Variants in CDIN1 observed in about 807,000 individuals in gnomAD.
The protein encoded by CDIN1 is CDAN1 interacting nuclease 1.
CDIN1 carries 33 observed loss-of-function variants against 45.3 expected under a neutral mutation model. The ratio of observed to expected loss-of-function variants is 0.73; its 90% CI spans 0.55 to 0.97. CDIN1 has a LOEUF of 0.97. CDIN1 is among the 50% of genes least tolerant of loss of function. The pLI, the probability that CDIN1 is intolerant of heterozygous loss-of-function variation, is 0.00. For synonymous variants in CDIN1, 118 were observed against 124.4 expected, an observed-to-expected ratio of 0.95 and a Z score of 0.34; for missense variants, 303 against 339.4, an observed-to-expected ratio of 0.89 and a Z score of 0.84.
intron 5 of CDIN1, among the ~76,000 whole-genome samples, chr15:36,676,555 T>C (rs921414281): frequency 1.3e-5 from 2 of 152,184 alleles, no homozygotes; most frequent in African/African-American, 4.8e-5. Context: ...GTCATACCAG[T>C]AGCCACTGTG....
chr15:36,625,724 G>A (rs554379949), intron 1 of CDIN1, among the ~76,000 whole-genome samples: 1 of 152,282 alleles, frequency 6.6e-6, no homozygotes, highest in African/African-American at 2.4e-5. Context: ...TGAAGAATTA[G>A]TTAGCTAGCT....
At chr15:36,666,594 G>A (rs1424886237) in intron 5 of CDIN1, among the ~76,000 whole-genome samples, 2 of 152,044 alleles carry the variant, frequency 1.3e-5, no homozygotes, top group Admixed American at 1.3e-4. Context: ...ATACCAATTT[G>A]GACCTCTGTA....
At chr15:36,647,584 T>C (rs1199663085) in intron 3 of CDIN1, 2 of 152,206 alleles carry the variant, frequency 1.3e-5, no homozygotes, top group Non-Finnish European at 2.9e-5. Flanking sequence ...GGCCATGTTG[T>C]TACCTTTCAG....
chr15:36,640,389 T>C (rs951814457), intron 1 of CDIN1, among the ~76,000 whole-genome samples: 9 of 152,190 alleles, frequency 5.9e-5, no homozygotes, highest in Admixed American at 1.3e-4. Context: ...TGCCTAGCAA[T>C]TGTGAGATGT....
At chr15:36,763,967 A>G (rs1429720775) in intron 10 of CDIN1, among the ~76,000 whole-genome samples, 2 of 152,172 alleles carry the variant, frequency 1.3e-5, no homozygotes, top group East Asian at 1.9e-4. Context: ...TCCATTCTCT[A>G]TGCGTACCAA....
In CDIN1 at chr15:36,746,212, G is replaced by T. The variant is rs138664925; in HGVS notation, c.716+36251G>T. 3.7e-3 allele frequency among the ~76,000 whole-genome samples: 569 copies of T among 152,190 alleles called. 5 individuals are homozygous for T. Among genetic ancestry groups the T allele is most frequent in the Non-Finnish European group, 5.4e-3 (368 of 68,006 alleles). ...CTACCATGTAGAAGACCAATTAGAG[G>T]TGTTTGGTTTGTGGGGCTCTTTGCT... is the stretch of plus-strand genomic sequence containing the variant. On this transcript the variant is annotated intron_variant, in intron 10 of 10. Transcript: ENST00000566621.
intron 5 of CDIN1, among the ~76,000 whole-genome samples, chr15:36,680,375 C>A (rs1379189241): frequency 6.6e-6 from 1 of 152,084 alleles, no homozygotes; most frequent in Non-Finnish European, 1.5e-5. Flanking sequence ...ATAAGTATTC[C>A]CCTGAACTTA....
chr15:36,648,402 C>T (rs867502162), intron 3 of CDIN1, among the ~76,000 whole-genome samples: 2 of 146,664 alleles, frequency 1.4e-5, no homozygotes, highest in Admixed American at 6.9e-5. Flanking sequence ...ATTCCTTTGT[C>T]GAGCATATAT....
Position 36,579,902 on chromosome 15 carries a change from C to T in CDIN1, c.42C>T (p.Cys14=). ...TKAQYDEIAQ[C]LVSVPPTRQS... Reference sequence around the variant, plus strand: ...CTCAGTACGACGAGATAGCCCAGTGCCTAGTGTCTGTGCCGCCTACCAGGC... The same window carrying T: ...CTCAGTACGACGAGATAGCCCAGTGTCTAGTGTCTGTGCCGCCTACCAGGC... The change falls in exon 1 of 11, where the codon TGC becomes TGT. Residue 14 remains cysteine (C), a synonymous_variant. Transcript: ENST00000566621. The T allele has an allele frequency of 6.2e-7, 1 of 1,614,000 alleles. No individual in the cohort carries two copies. The highest frequency in any genetic ancestry group is 8.5e-7 in the Non-Finnish European group (1 of 1,179,890).
At chr15:36,746,911 A>G (rs963624204) in intron 10 of CDIN1, 28 of 397,866 alleles carry the variant, frequency 7.0e-5, no homozygotes, top group Non-Finnish European at 9.7e-5. Flanking sequence ...CACCATGCCC[A>G]GCTAATTTTT....
At chr15:36,729,185 A>G (rs894074920) in intron 10 of CDIN1, among the ~76,000 whole-genome samples, 2 of 152,176 alleles carry the variant, frequency 1.3e-5, no homozygotes, top group African/African-American at 4.8e-5. Context: ...ATAATAATTC[A>G]GGACAGTACC....
At chr15:36,614,172 C>A in intron 1 of CDIN1, 1 of 687,346 alleles carries the variant, frequency 1.5e-6, no homozygotes, top group Admixed American at 1.8e-5. Flanking sequence ...GTTGCTGGAC[C>A]AGACTCTGCT....
At chr15:36,783,786 C>A (rs1336657103) in intron 10 of CDIN1, among the ~76,000 whole-genome samples, 1 of 152,158 alleles carries the variant, frequency 6.6e-6, no homozygotes, top group Non-Finnish European at 1.5e-5. Flanking sequence ...ACCACAAAGC[C>A]AGCTAAACCC....
chr15:36,735,295 A>C (rs999844825), intron 10 of CDIN1, among the ~76,000 whole-genome samples: 1 of 152,168 alleles, frequency 6.6e-6, no homozygotes, highest in Non-Finnish European at 1.5e-5. Context: ...TAATTAAAGC[A>C]TTAATCACTA....
At chr15:36,712,865 G>A (rs892955787) in intron 10 of CDIN1, among the ~76,000 whole-genome samples, 1 of 152,032 alleles carries the variant, frequency 6.6e-6, no homozygotes, top group African/African-American at 2.4e-5. Flanking sequence ...AGTTAAAGGA[G>A]ATAAAGAATG....
intron 5 of CDIN1, among the ~76,000 whole-genome samples, chr15:36,672,334 A>G (rs2041482500): frequency 1.3e-5 from 2 of 152,060 alleles, no homozygotes; most frequent in South Asian, 2.1e-4. Context: ...GGATCTCTGT[A>G]TCAATATGAA....
At position 36,701,122 on chromosome 15, in the gene CDIN1, G is replaced by GATAGA. The variant is rs1566912597; in HGVS notation, c.544+3732_544+3733insATAGA. On this transcript the variant is annotated intron_variant, in intron 8 of 10. Transcript: ENST00000566621. ...GGTAGATAGATAGATAGATAGGTAG[G>GATAGA]TAGATAGATAGATAGATAGATAGAT... is the stretch of plus-strand genomic sequence containing the variant. 8.3e-3 allele frequency among the ~76,000 whole-genome samples: 863 copies of GATAGA among 103,848 alleles called. 3 individuals are homozygous for GATAGA. The highest frequency in any genetic ancestry group is 0.011 in the African/African-American group (239 of 21,104). 68.1% of individuals were successfully genotyped at this position (103,848 alleles called of 152,430 possible).
At chr15:36,685,024 A>G (rs150497895) in intron 5 of CDIN1, among the ~76,000 whole-genome samples, 71 of 152,162 alleles carry the variant, frequency 4.7e-4, no homozygotes, top group African/African-American at 1.6e-3. Context: ...TCTTTTCAAA[A>G]CACCAGCTCC....
chr15:36,687,261 C>T (rs182384072), intron 5 of CDIN1, among the ~76,000 whole-genome samples: 43 of 152,086 alleles, frequency 2.8e-4, no homozygotes, highest in African/African-American at 1.0e-3. Context: ...TTTAAAAAAG[C>T]TTAGATTGTC....
Sources: gnomAD v4.1 joint callset for allele counts (sites outside exome capture counted in the v4.1 genomes callset) on GRCh38, gnomAD v4.1.1 for gene constraint, MANE v1.5 for transcripts, NCBI Gene and HGNC (gene_info 2026-07-23, HGNC 2026-07-21) for gene names.